The following EBF1 variants were observed in gnomAD, a reference collection of about 807,000 sequenced individuals.
EBF1 encodes the protein EBF transcription factor 1, also known as transcription factor COE1.
Under a neutral mutation model 68.4 loss-of-function variants are expected in EBF1, and 10 were observed. The observed-to-expected ratio is 0.15, with a 90% CI of 0.09 to 0.25. EBF1 has a LOEUF of 0.25. Among genes scored for constraint, EBF1 ranks in the 10% least tolerant of loss-of-function variants. The pLI, the probability that EBF1 is intolerant of heterozygous loss-of-function variation, is 1.00. For missense variants in EBF1, 509 were observed against 794.4 expected (o/e 0.64, Z 4.32); for synonymous variants, 298 against 299.8 (o/e 0.99, Z 0.06).
intron 10 of EBF1, among the ~76,000 whole-genome samples, chr5:158,742,598 G>A (rs373790681): frequency 6.6e-6 from 1 of 152,272 alleles, no homozygotes; most frequent in Admixed American, 6.5e-5. Flanking sequence ...GAGTCTAGAG[G>A]GGCAGAAAGA....
rs146051217 is a variant in EBF1 at position 159,085,834 on chromosome 5, T to G, written c.412-1095A>C. On this transcript the variant is annotated intron_variant, in intron 4 of 15. Coordinates refer to ENST00000313708, the MANE Select transcript of EBF1 (RefSeq NM_024007.5). ...GCTACAAGACTAACTTGTAGTTGAC[T>G]CTAACGTGCTTTGTTTTTGAACCTG... Among the ~76,000 whole-genome samples, 137 of 152,226 alleles carry G rather than the reference T, an allele frequency of 9.0e-4. 1 individual carries two copies. The highest frequency in any genetic ancestry group is 3.3e-3 in the African/African-American group (137 of 41,554).
At chr5:158,915,105 G>A (rs902567433) in intron 6 of EBF1, among the ~76,000 whole-genome samples, 24 of 152,086 alleles carry the variant, frequency 1.6e-4, no homozygotes, top group Non-Finnish European at 2.1e-4. Context: ...AAAATGGGGC[G>A]GGCCAGGCAC....
intron 6 of EBF1, among the ~76,000 whole-genome samples, chr5:159,009,861 G>A (rs371344085): frequency 9.9e-5 from 15 of 151,838 alleles, no homozygotes; most frequent in Middle Eastern, 3.2e-3. Context: ...CAAAAGAAAC[G>A]TGGAAAACCT....
At chr5:158,717,592 G>A (rs994084500) in intron 11 of EBF1, among the ~76,000 whole-genome samples, 36 of 151,224 alleles carry the variant, frequency 2.4e-4, no homozygotes, top group Admixed American at 2.6e-4. Context: ...ACATAAGAGT[G>A]GATATTAGAC....
intron 10 of EBF1, among the ~76,000 whole-genome samples, chr5:158,761,364 C>T (rs1323902266): frequency 6.6e-6 from 1 of 152,214 alleles, no homozygotes; most frequent in Admixed American, 6.5e-5. Flanking sequence ...ATTAGCAGCG[C>T]CTACACTCAA....
rs70987938 is a variant in EBF1, at chr5:158,866,833, GTATA to G, written c.555-26727_555-26724del. Among the ~76,000 whole-genome samples, 144 of 92,850 alleles carry G rather than the reference GTATA, an allele frequency of 1.6e-3. 5 individuals carry two copies. Among genetic ancestry groups the G allele is most frequent in the African/African-American group, 5.4e-3 (119 of 22,128 alleles). The allele number at this position is 92,850 out of a possible 152,430, so 60.9% of individuals were successfully genotyped here. A position where few individuals can be genotyped will look rare whatever the true frequency, so the allele number is the denominator to read the frequency against. ...GTAATATATGTATATATATGTATAT[GTATA>G]TATATATATATATATATATATATAT... On this transcript the variant is annotated intron_variant, in intron 6 of 15. Coordinates refer to ENST00000313708, the MANE Select transcript of EBF1 (RefSeq NM_024007.5).
chr5:158,735,277 C>T (rs773184004), intron 10 of EBF1, among the ~76,000 whole-genome samples: 18 of 152,158 alleles, frequency 1.2e-4, no homozygotes, highest in Non-Finnish European at 2.5e-4. Context: ...CTCTGCTCCT[C>T]TTTCTGACAA....
rs978861320 is a variant in EBF1 at position 158,903,481 on chromosome 5, G to A, written c.555-63371C>T. ...TGATTAGGGGTTACAGAAGGCACCA[G>A]CAGTGGGGTGCCCTCATGCTCTGTC... On this transcript the variant is annotated intron_variant, in intron 6 of 15. Coordinates refer to ENST00000313708, the MANE Select transcript of EBF1 (RefSeq NM_024007.5). Among the ~76,000 whole-genome samples, 3 of 152,160 alleles carry A rather than the reference G, an allele frequency of 2.0e-5. 1 individual carries two copies. The highest frequency in any genetic ancestry group is 7.2e-5 in the African/African-American group (3 of 41,434).
intron 6 of EBF1, among the ~76,000 whole-genome samples, chr5:159,066,738 G>A (rs1173602299): frequency 1.3e-5 from 2 of 151,990 alleles, no homozygotes; most frequent in Admixed American, 6.6e-5. Context: ...TTTTGCTTCT[G>A]GACAAAGACT....
intron 15 of EBF1, among the ~76,000 whole-genome samples, chr5:158,699,815 A>AT (rs2127456583): frequency 6.6e-6 from 1 of 152,304 alleles, no homozygotes; most frequent in Admixed American, 6.5e-5. Flanking sequence ...ATCTGACCAT[A>AT]TTTCCTAGAA....
At chr5:158,735,316 G>A (rs760573694) in intron 10 of EBF1, among the ~76,000 whole-genome samples, 26 of 152,154 alleles carry the variant, frequency 1.7e-4, no homozygotes, top group South Asian at 4.2e-4. Flanking sequence ...ACTTAATGGG[G>A]ATACATTAAT....
chr5:159,087,431 C>CAT (rs147006691), intron 4 of EBF1, among the ~76,000 whole-genome samples: 49,408 of 147,302 alleles, frequency 0.34, 8,747 homozygotes, highest in African/African-American at 0.4. Context: ...TATATACACA[C>CAT]ATATATATAC....
At chr5:159,021,135 G>C (rs1766598351) in intron 6 of EBF1, among the ~76,000 whole-genome samples, 1 of 152,144 alleles carries the variant, frequency 6.6e-6, no homozygotes, top group Non-Finnish European at 1.5e-5. Flanking sequence ...ATTTCTCTCT[G>C]CAACTTCCTT....
Position 159,083,056 on chromosome 5 carries a change from A to C in EBF1, c.485+1610T>G, listed in dbSNP as rs145753302. On this transcript the variant is annotated intron_variant, in intron 5 of 15. Coordinates refer to ENST00000313708, the MANE Select transcript of EBF1 (RefSeq NM_024007.5). ...GAATGATTTCTAGCATAGTCTAAAC[A>C]TGTGCAGATATGAGATGCAAATCTA... Among the ~76,000 whole-genome samples, 3 of 152,352 alleles carry C rather than the reference A, an allele frequency of 2.0e-5. No individual in the cohort carries two copies. The East Asian group carries it at 5.8e-4, about 29-fold the overall frequency.
chr5:159,090,431 T>C (rs1265398853), intron 4 of EBF1, among the ~76,000 whole-genome samples: 1 of 152,114 alleles, frequency 6.6e-6, no homozygotes, highest in Admixed American at 6.6e-5. Flanking sequence ...ATAATTTTGC[T>C]TCAATTAGCA....
intron 10 of EBF1, among the ~76,000 whole-genome samples, chr5:158,746,236 T>C (rs1209408553): frequency 6.6e-6 from 1 of 152,188 alleles, no homozygotes; most frequent in Non-Finnish European, 1.5e-5. Flanking sequence ...AGGTTAGCTT[T>C]TACTAATAAA....
Position 158,707,980 on chromosome 5 carries a change from T to C in EBF1, c.1743A>G (p.Gln581=), listed in dbSNP as rs775656588. The change falls in exon 15 of 16, where the codon CAA becomes CAG. Residue 581 remains glutamine (Q), a splice_region_variant and synonymous_variant. Transcript: ENST00000313708. The part of the protein sequence containing the change: ...TCTSTNGNSL[Q]AISGMIVPPM ...TGGCAGGTGGGGCCTGGGGCTTACC[T>C]TGCAGGCTGTTCCCGTTGGTGCTGG... The C allele has an allele frequency of 2.6e-6, 4 of 1,549,292 alleles. No homozygotes were observed. Among genetic ancestry groups the C allele is most frequent in the Non-Finnish European group, 3.5e-6 (4 of 1,146,388 alleles).
At chr5:158,847,996 A>T (rs1457273326) in intron 6 of EBF1, among the ~76,000 whole-genome samples, 1 of 152,200 alleles carries the variant, frequency 6.6e-6, no homozygotes, top group Non-Finnish European at 1.5e-5. Context: ...AGCCAAGCAT[A>T]AAAAATGAGG....
chr5:158,792,252 C>A (rs536088943), intron 9 of EBF1, among the ~76,000 whole-genome samples: 4 of 152,064 alleles, frequency 2.6e-5, no homozygotes, highest in African/African-American at 9.7e-5. Flanking sequence ...GAGGAGAAAT[C>A]GCAAGAAACA....
Sources: gnomAD v4.1 joint callset for allele counts (sites outside exome capture counted in the v4.1 genomes callset) on GRCh38, gnomAD v4.1.1 for gene constraint, MANE v1.5 for transcripts, NCBI Gene and HGNC (gene_info 2026-07-23, HGNC 2026-07-21) for gene names.